Variants in FBXL2 observed in about 807,000 individuals in gnomAD.
FBXL2 encodes the protein F-box/LRR-repeat protein 2.
In FBXL2, 38 loss-of-function variants were observed where a neutral mutation model predicts 69.2. That is an observed-to-expected ratio of 0.55 (90% CI 0.42 to 0.72). The LOEUF (loss-of-function observed/expected upper bound fraction) is 0.72, where lower values mean the gene tolerates loss of function less well. FBXL2 is among the 30% of genes least tolerant of loss of function. FBXL2 has a pLI of 0.00. For missense variants in FBXL2, 354 were observed against 520.3 expected (o/e 0.68, Z 3.11); for synonymous variants, 192 against 201.3 (o/e 0.95, Z 0.39).
chr3:33,357,048 C>T (rs1424376974), intron 2 of FBXL2, among the ~76,000 whole-genome samples: 1 of 152,190 alleles, frequency 6.6e-6, no homozygotes, highest in East Asian at 1.9e-4. Context: ...CCTCTATGCT[C>T]AGTGTCCTTA....
chr3:33,408,601 T>C (rs530100393), downstream of FBXL2: 1 of 1,010,506 alleles, frequency 9.9e-7, no homozygotes, highest in South Asian at 1.8e-5. Context: ...AAAAACAATT[T>C]TGGCTTTACT....
At chr3:33,320,071 G>A (rs1225374422) in intron 2 of FBXL2, among the ~76,000 whole-genome samples, 1 of 152,116 alleles carries the variant, frequency 6.6e-6, no homozygotes, top group Non-Finnish European at 1.5e-5. Flanking sequence ...ATTCAATGCA[G>A]TTCTAATTCA....
At chr3:33,327,611 A>G (rs897833179) in intron 2 of FBXL2, among the ~76,000 whole-genome samples, 2 of 152,024 alleles carry the variant, frequency 1.3e-5, no homozygotes, top group African/African-American at 2.4e-5. Context: ...TAAAATCAGA[A>G]TAGAAAAAGA....
intron 1 of FBXL2, among the ~76,000 whole-genome samples, chr3:33,280,713 C>CAAAAAA (rs34093056): frequency 1.8e-4 from 15 of 81,208 alleles, no homozygotes; most frequent in East Asian, 8.9e-4. Context: ...GCCCTGTATC[C>CAAAAAA]AAAAAAAAAA....
downstream of FBXL2, among the ~76,000 whole-genome samples, chr3:33,404,374 T>C (rs2044357381): frequency 6.6e-6 from 1 of 152,062 alleles, no homozygotes; most frequent in African/African-American, 2.4e-5. Context: ...ATCGTGCCAT[T>C]GTACTCCAGC....
chr3:33,343,690 T>C lies in FBXL2; in HGVS notation c.66-15277T>C, dbSNP rs189906800. Among the ~76,000 whole-genome samples, 3 of 152,248 alleles carry C rather than the reference T, an allele frequency of 2.0e-5. No homozygotes were observed. In the East Asian group the frequency reaches 5.8e-4, roughly 29 times the overall value. On this transcript the variant is annotated intron_variant, in intron 2 of 14. Coordinates refer to ENST00000484457, the MANE Select transcript of FBXL2 (RefSeq NM_012157.5). ...TTTGCCTACTTCCAATTATATAGTGTAATTTTCCAGTTTTTAAAAAATTTT... is the reference window on the plus strand; with the variant it reads ...TTTGCCTACTTCCAATTATATAGTGCAATTTTCCAGTTTTTAAAAAATTTT...
intron 2 of FBXL2, among the ~76,000 whole-genome samples, chr3:33,304,398 T>TA (rs2036541119): frequency 6.6e-6 from 1 of 152,086 alleles, no homozygotes; most frequent in African/African-American, 2.4e-5. Flanking sequence ...ATTAACTTCG[T>TA]AAAAAAAGTA....
intron 1 of FBXL2, among the ~76,000 whole-genome samples, chr3:33,286,358 T>C (rs2034614021): frequency 1.3e-5 from 2 of 152,178 alleles, no homozygotes; most frequent in Admixed American, 1.3e-4. Context: ...CAGCAAATAT[T>C]GCAGAACGGC....
chr3:33,403,510 A>ATCTATCTG (rs1429519631), exon 13 of FBXL2: 4 of 21,232 alleles, frequency 1.9e-4, no homozygotes, highest in Middle Eastern at 0.067. Context: ...CTATCTATCT[A>ATCTATCTG]TCTGTCTGTC....
In FBXL2 at chr3:33,394,088, C is replaced by CTCACTGTA. The variant is rs541928639; in HGVS notation, n.1214+8361_1214+8368dup. 4.7e-3 allele frequency among the ~76,000 whole-genome samples: 716 copies of CTCACTGTA among 152,082 alleles called. 3 individuals carry two copies. Among genetic ancestry groups the CTCACTGTA allele is most frequent in the Admixed American group, 9.2e-3 (141 of 15,274 alleles). On this transcript the variant is annotated intron_variant and non_coding_transcript_variant, in intron 12 of 12. Coordinates refer to the FBXL2 transcript ENST00000463736. ...CTGGAGTGCAGTGACACAATCACAG[C>CTCACTGTA]TCACTGTAGCCTCTGCCTCCCAGGC...
intron 2 of FBXL2, among the ~76,000 whole-genome samples, chr3:33,333,339 G>A (rs2039320379): frequency 6.6e-6 from 1 of 152,186 alleles, no homozygotes; most frequent in African/African-American, 2.4e-5. Flanking sequence ...TTAGTTGGAT[G>A]ATGGGAAGAG....
intron 2 of FBXL2, among the ~76,000 whole-genome samples, chr3:33,340,892 G>GCC (rs1381974380): frequency 1.2e-5 from 1 of 80,372 alleles, no homozygotes; most frequent in African/African-American, 5.1e-5. Context: ...AGATTCCTTT[G>GCC]CCCAAAAAAA....
At chr3:33,304,640 A>G (rs1199045091) in intron 2 of FBXL2, among the ~76,000 whole-genome samples, 1 of 152,100 alleles carries the variant, frequency 6.6e-6, no homozygotes, top group African/African-American at 2.4e-5. Flanking sequence ...CCTGGTGCAC[A>G]AGTACACAAT....
intron 12 of FBXL2, chr3:33,402,854 G>C (rs182819320): frequency 1.2e-6 from 2 of 1,610,292 alleles, no homozygotes; most frequent in Non-Finnish European, 1.7e-6. Context: ...TGGGCGCTGG[G>C]GAAGGGCTGT....
chr3:33,288,162 G>T (rs1423263465), intron 1 of FBXL2, among the ~76,000 whole-genome samples: 1 of 152,168 alleles, frequency 6.6e-6, no homozygotes, highest in African/African-American at 2.4e-5. Flanking sequence ...GCATTTACTG[G>T]GAAGTTTTTA....
chr3:33,380,223 CAAAAA>C (rs71632598), intron 13 of FBXL2, among the ~76,000 whole-genome samples: 2 of 69,230 alleles, frequency 2.9e-5, no homozygotes, highest in African/African-American at 5.2e-5. Flanking sequence ...GACTCTGTCT[CAAAAA>C]AAAAAAAAAA....
intron 2 of FBXL2, among the ~76,000 whole-genome samples, chr3:33,308,955 A>G (rs1207819996): frequency 6.6e-6 from 1 of 152,206 alleles, no homozygotes; most frequent in Non-Finnish European, 1.5e-5. Context: ...TGTGATTTCC[A>G]ACTGCTTAAA....
intron 12 of FBXL2, chr3:33,402,730 T>G: frequency 2.6e-6 from 3 of 1,132,470 alleles, no homozygotes; most frequent in Non-Finnish European, 3.7e-6. Flanking sequence ...CTGCTGTACA[T>G]GGAGAGATGG....
rs2042444767 is a variant in FBXL2, at chr3:33,373,666, C to T, written c.544C>T (p.Arg182Ter). 4 of 1,614,138 alleles carry T rather than the reference C, an allele frequency of 2.5e-6. No individual in the cohort carries two copies. The highest frequency in any genetic ancestry group is 1.1e-5 in the South Asian group (1 of 91,058). Residue 182 changes from arginine (R) to a stop codon, truncating the protein, a stop_gained, in exon 8 of 15, where the codon CGA becomes TGA. Coordinates refer to ENST00000484457, the MANE Select transcript of FBXL2 (RefSeq NM_012157.5). LOFTEE classifies it high-confidence loss of function. ...CATCGAGGCACTGGTGCGAGGTTGT[C>T]GAGGCCTGAAAGCCCTGCTCCTGAG... ...DGIEALVRGC[R>*]GLKALLLRGC... is the part of the protein sequence containing the mutation.
Sources: gnomAD v4.1 joint callset for allele counts (sites outside exome capture counted in the v4.1 genomes callset) on GRCh38, gnomAD v4.1.1 for gene constraint, MANE v1.5 for transcripts, NCBI Gene and HGNC (gene_info 2026-07-23, HGNC 2026-07-21) for gene names.